The following SLC16A7 variants were observed in gnomAD, a reference collection of about 807,000 sequenced individuals.
SLC16A7 encodes monocarboxylate transporter 2.
In SLC16A7, 33 loss-of-function variants were observed where a neutral mutation model predicts 34.9. That is an observed-to-expected ratio of 0.94 (90% CI 0.72 to 1.26). SLC16A7 has a LOEUF of 1.26. Among genes scored for constraint, SLC16A7 ranks in the 50% most tolerant of loss-of-function variants. The probability of loss-of-function intolerance (pLI) is 0.00; values close to 1 mark genes in which losing one functional copy is unlikely to be tolerated. For missense variants in SLC16A7, 573 were observed against 578.1 expected, an observed-to-expected ratio of 0.99 and a Z score of 0.09; for synonymous variants, 201 against 206.6, an observed-to-expected ratio of 0.97 and a Z score of 0.23.
chr12:59,706,299 T>C (rs1873559266), intron 3 of SLC16A7, among the ~76,000 whole-genome samples: 1 of 152,134 alleles, frequency 6.6e-6, no homozygotes, highest in African/African-American at 2.4e-5. Context: ...ATAATAATTA[T>C]TCTTTAGGAC....
chr12:59,610,972 G>A (rs1879167042), intron 1 of SLC16A7, among the ~76,000 whole-genome samples: 1 of 152,108 alleles, frequency 6.6e-6, no homozygotes, highest in Non-Finnish European at 1.5e-5. Context: ...AGATCAAGCT[G>A]GTGGCAGATT....
chr12:59,729,140 T>C (rs1489714772), intron 3 of SLC16A7, among the ~76,000 whole-genome samples: 2 of 152,258 alleles, frequency 1.3e-5, no homozygotes, highest in African/African-American at 4.8e-5. Context: ...TATTTATGTG[T>C]GGTTTGCATA....
At chr12:59,649,937 G>A (rs1179774697) in intron 1 of SLC16A7, among the ~76,000 whole-genome samples, 2 of 151,694 alleles carry the variant, frequency 1.3e-5, no homozygotes, top group African/African-American at 4.8e-5. Flanking sequence ...CTATAAGAGT[G>A]GAACTCCATC....
chr12:59,627,252 A>G (rs1028758210), intron 1 of SLC16A7, among the ~76,000 whole-genome samples: 1 of 151,908 alleles, frequency 6.6e-6, no homozygotes, highest in Admixed American at 6.6e-5. Flanking sequence ...CACATCCTCA[A>G]TGATGAAAAA....
chr12:59,639,198 A>G (rs919938735), intron 1 of SLC16A7, among the ~76,000 whole-genome samples: 1 of 152,028 alleles, frequency 6.6e-6, no homozygotes, highest in Non-Finnish European at 1.5e-5. Flanking sequence ...AAAACAGCGC[A>G]TTGTTTGGCT....
intron 3 of SLC16A7, among the ~76,000 whole-genome samples, chr12:59,723,611 C>T (rs1875873499): frequency 6.6e-6 from 1 of 151,872 alleles, no homozygotes. Context: ...TAGAAAGAAA[C>T]AGCATTTTAG....
intron 3 of SLC16A7, among the ~76,000 whole-genome samples, chr12:59,708,362 A>T (rs1297293127): frequency 6.6e-6 from 1 of 152,164 alleles, no homozygotes; most frequent in Non-Finnish European, 1.5e-5. Context: ...TTTAACAAGC[A>T]TCTCTGAAAA....
Position 59,747,625 on chromosome 12 carries a change from C to A in SLC16A7, c.218-23594C>A, listed in dbSNP as rs533420744. On this transcript the variant is annotated intron_variant, in intron 3 of 5. Coordinates refer to ENST00000547379, the MANE Select transcript of SLC16A7 (RefSeq NM_001270623.2). The stretch of plus-strand genomic sequence containing the variant: ...TGAAAGGGTGCAATTGTCTAGCTCA[C>A]ACTTTTTAAAGCAAACAATACTGTC... Among the ~76,000 whole-genome samples the A allele has an allele frequency of 1.8e-3, 281 of 152,284 alleles. 2 individuals are homozygous for A. Among genetic ancestry groups the A allele is most frequent in the African/African-American group, 5.8e-3 (242 of 41,564 alleles).
chr12:59,777,782 T>G (rs1044016187), intron 5 of SLC16A7, among the ~76,000 whole-genome samples: 1 of 151,094 alleles, frequency 6.6e-6, no homozygotes, highest in Non-Finnish European at 1.5e-5. Context: ...TAGGTATATC[T>G]CCTAAAGCTA....
intron 1 of SLC16A7, among the ~76,000 whole-genome samples, chr12:59,637,372 T>C (rs1226242181): frequency 2.0e-5 from 3 of 152,064 alleles, no homozygotes; most frequent in African/African-American, 7.2e-5. Flanking sequence ...AATCTAATAA[T>C]CTGATATTTT....
Position 59,786,032 on chromosome 12 carries a change from T to C in SLC16A7, c.*6353T>C, listed in dbSNP as rs1466484757. The C allele has an allele frequency of 1.2e-5, 1 of 80,692 alleles. No individual in the cohort carries two copies. The highest frequency in any genetic ancestry group is 2.4e-5 in the Non-Finnish European group (1 of 41,314). The allele number at this position is 80,692 out of a possible 1,614,324, so 5.0% of individuals were successfully genotyped here. ...GGGGAACATCACACTCTGGGGACTG[T>C]GGTGGGGTCGGGGGAGGGGGGAGGG... is the stretch of plus-strand genomic sequence containing the variant. On this transcript the variant is annotated 3_prime_UTR_variant, in exon 6 of 6. Transcript: ENST00000547379.
chr12:59,630,352 A>G (rs1880125801), intron 1 of SLC16A7, among the ~76,000 whole-genome samples: 1 of 151,906 alleles, frequency 6.6e-6, no homozygotes, highest in Non-Finnish European at 1.5e-5. Context: ...AAATGGTAGT[A>G]GTTAGACACA....
intron 3 of SLC16A7, chr12:59,763,982 G>C (rs536969503): frequency 6.6e-6 from 1 of 152,126 alleles, no homozygotes; most frequent in Admixed American, 6.6e-5. Context: ...AGATACAACA[G>C]TATTGAAATT....
At chr12:59,769,734 C>A (rs553315820) in intron 3 of SLC16A7, among the ~76,000 whole-genome samples, 6 of 152,046 alleles carry the variant, frequency 3.9e-5, no homozygotes, top group Non-Finnish European at 7.4e-5. Flanking sequence ...ATAAGTGAAT[C>A]TCAATGTGTT....
chr12:59,766,256 T>C (rs1881616716), intron 3 of SLC16A7, among the ~76,000 whole-genome samples: 1 of 152,210 alleles, frequency 6.6e-6, no homozygotes, highest in Non-Finnish European at 1.5e-5. Flanking sequence ...TTTCTAGATA[T>C]ACAATCATGT....
At chr12:59,649,124 A>C (rs1397979291) in intron 1 of SLC16A7, among the ~76,000 whole-genome samples, 1 of 152,198 alleles carries the variant, frequency 6.6e-6, no homozygotes, top group East Asian at 1.9e-4. Flanking sequence ...GAATGCATGA[A>C]GACGATGACT....
intron 1 of SLC16A7, among the ~76,000 whole-genome samples, chr12:59,611,699 C>T (rs1879201591): frequency 6.6e-6 from 1 of 152,122 alleles, no homozygotes; most frequent in Admixed American, 6.5e-5. Context: ...AAGTTAGTTA[C>T]TTTCTATTAA....
At chr12:59,719,013 C>T (rs191501117) in intron 3 of SLC16A7, among the ~76,000 whole-genome samples, 22 of 152,218 alleles carry the variant, frequency 1.4e-4, no homozygotes, top group Non-Finnish European at 1.9e-4. Flanking sequence ...AAACTTGTCA[C>T]ATGTGAGAAT....
chr12:59,653,819 C>G (rs868665937), intron 1 of SLC16A7, among the ~76,000 whole-genome samples: 1 of 151,684 alleles, frequency 6.6e-6, no homozygotes, highest in East Asian at 1.9e-4. Flanking sequence ...CAAGTGCTAT[C>G]GAAATGACCT....
Sources: gnomAD v4.1 joint callset for allele counts (sites outside exome capture counted in the v4.1 genomes callset) on GRCh38, gnomAD v4.1.1 for gene constraint, MANE v1.5 for transcripts, NCBI Gene and HGNC (gene_info 2026-07-23, HGNC 2026-07-21) for gene names.